The following IFT140 variants were observed in gnomAD, a reference collection of about 807,000 sequenced individuals.
IFT140 encodes intraflagellar transport protein 140 homolog.
A neutral mutation model predicts 164.6 loss-of-function variants in IFT140; 133 were observed. The observed-to-expected ratio is 0.81, with a 90% CI of 0.70 to 0.93. IFT140 has a LOEUF of 0.93. IFT140 is among the 40% of genes least tolerant of loss of function. IFT140 has a pLI of 0.00. For missense variants in IFT140, 2,045 were observed against 1,972.3 expected, an observed-to-expected ratio of 1.04 and a Z score of -0.70; for synonymous variants, 860 against 817.3, an observed-to-expected ratio of 1.05 and a Z score of -0.89.
chr16:1,524,826 G>C lies in IFT140; in HGVS notation c.2955C>G (p.Phe985Leu), dbSNP rs768024276. 6.2e-7 allele frequency: 1 copy of C among 1,612,650 alleles called. No homozygotes were observed. The highest frequency in any genetic ancestry group is 2.2e-5 in the East Asian group (1 of 44,806). Residue 985 changes from phenylalanine (F) to leucine (L), a missense_variant, in exon 23 of 31, where the codon TTC becomes TTG. Transcript: ENST00000426508. ...LHYYELARDH[F>L]SLVRIHCFQG... is the part of the protein sequence containing the mutation. ...GGAAGCAGTGGATGCGGACCAGGGA[G>C]AAGTGGTCCCGGGCCAGCTCGTAGT...
At position 1,553,005 on chromosome 16, in the gene IFT140, G is replaced by A. The variant is rs1452585708; in HGVS notation, c.2399+4930C>T. ...GTATCCAGGAGCTACCCATGTATAA[G>A]AAGCTCCATGAAGTATTATAAAGAA... On this transcript the variant is annotated intron_variant, in intron 19 of 30. Coordinates refer to ENST00000426508, the MANE Select transcript of IFT140 (RefSeq NM_014714.4). This position sits in a 1 kb window ranked among gnomAD's most constrained non-coding sequence, Gnocchi z 4.4. 1.0e-6 allele frequency: 1 copy of A among 985,236 alleles called. No individual in the cohort carries two copies. 61.0% of individuals were successfully genotyped at this position (985,236 alleles called of 1,614,324 possible).
intron 17 of IFT140, among the ~76,000 whole-genome samples, chr16:1,562,667 T>C (rs1431891945): frequency 6.6e-6 from 1 of 151,892 alleles, no homozygotes; most frequent in African/African-American, 2.4e-5. Flanking sequence ...AGCTACTTGG[T>C]AGTCTGAGGC....
chr16:1,604,228 TGG>T lies in IFT140; in HGVS notation c.148-1639_148-1638del, dbSNP rs1187342653. Among the ~76,000 whole-genome samples, 4 of 148,754 alleles carry T rather than the reference TGG, an allele frequency of 2.7e-5. No individual in the cohort carries two copies. In the East Asian group the frequency reaches 7.9e-4, roughly 29 times the overall value. ...GCTGCCAGTATATGGAGGAGCCTGC[TGG>T]CAACAGGGGAGCCGCTGACCAGCGC... On this transcript the variant is annotated intron_variant, in intron 3 of 30. Coordinates refer to ENST00000426508, the MANE Select transcript of IFT140 (RefSeq NM_014714.4).
intron 13 of IFT140, among the ~76,000 whole-genome samples, chr16:1,572,025 G>C (rs1346380317): frequency 1.3e-5 from 2 of 152,180 alleles, no homozygotes; most frequent in African/African-American, 4.8e-5. Context: ...CCTGGGTGAG[G>C]CGGTGGGGGA....
At position 1,551,090 on chromosome 16, in the gene IFT140, G is replaced by A. The variant is rs1433102039; in HGVS notation, c.2399+6845C>T. On this transcript the variant is annotated intron_variant, in intron 19 of 30. Coordinates refer to ENST00000426508, the MANE Select transcript of IFT140 (RefSeq NM_014714.4). This position sits in a 1 kb window ranked among gnomAD's most constrained non-coding sequence, Gnocchi z 4.0. Reference sequence around the variant, plus strand: ...GCTGTTCCTCCTCGCCTTTCCCGCAGCTCCACACTGCATTCTGTTCTGTTT... The same window carrying A: ...GCTGTTCCTCCTCGCCTTTCCCGCAACTCCACACTGCATTCTGTTCTGTTT... Among the ~76,000 whole-genome samples, 1 of 152,234 alleles carries A rather than the reference G, an allele frequency of 6.6e-6. No individual in the cohort carries two copies. The highest frequency in any genetic ancestry group is 1.5e-5 in the Non-Finnish European group (1 of 68,044).
Position 1,526,124 on chromosome 16 carries a change from C to T in IFT140, c.2578-47G>A, listed in dbSNP as rs778936037. The stretch of plus-strand genomic sequence containing the variant: ...GTGTCGTGCAGCCTCCACACACCCA[C>T]GTCTCAAACACACTGTTCCACGCCA... On this transcript the variant is annotated intron_variant, in intron 20 of 30. Coordinates refer to ENST00000426508, the MANE Select transcript of IFT140 (RefSeq NM_014714.4). 9 of 1,509,822 alleles carry T rather than the reference C, an allele frequency of 6.0e-6. No individual in the cohort carries two copies. The South Asian group carries it at 7.4e-5, about 12-fold the overall frequency. 93.5% of individuals were successfully genotyped at this position (1,509,822 alleles called of 1,614,324 possible).
At position 1,568,337 on chromosome 16, in the gene IFT140, G is replaced by T; in HGVS notation, c.1653-3C>A. 1 of 1,612,012 alleles carries T rather than the reference G, an allele frequency of 6.2e-7. No homozygotes were observed. The highest frequency in any genetic ancestry group is 8.5e-7 in the Non-Finnish European group (1 of 1,178,698). ...AGCTACAGTGTGCTTTGGCCTCTCT[G>T]CAGGGAGGAAGAGGGACCTCAGTGC... On this transcript the variant is annotated splice_polypyrimidine_tract_variant and splice_region_variant and intron_variant, in intron 14 of 30. Transcript: ENST00000426508.
Position 1,512,590 on chromosome 16 carries a change from T to A in IFT140, c.4183-1440A>T, listed in dbSNP as rs1474337884. On this transcript the variant is annotated intron_variant, in intron 30 of 30. Transcript: ENST00000426508. ...CCTGTTAATTTTGAGGATATAGCAG[T>A]CTGGGCATCTCTCTACTCCAATTTT... Among the ~76,000 whole-genome samples, 3 of 152,192 alleles carry A rather than the reference T, an allele frequency of 2.0e-5. No homozygotes were observed. In the East Asian group the frequency reaches 5.8e-4, roughly 29 times the overall value.
chr16:1,595,016 T>C (rs1400363650), intron 4 of IFT140, among the ~76,000 whole-genome samples: 1 of 152,260 alleles, frequency 6.6e-6, no homozygotes, highest in Non-Finnish European at 1.5e-5. Flanking sequence ...CCGGGCACGG[T>C]GGCTCACGCC....
chr16:1,543,609 T>A (rs565991894), intron 19 of IFT140, among the ~76,000 whole-genome samples: 285 of 152,278 alleles, frequency 1.9e-3, no homozygotes, highest in Admixed American at 3.7e-3. Context: ...CATGCCCAAC[T>A]TCGAAAAGGG....
At chr16:1,550,059 T>A (rs1261094926) in intron 19 of IFT140, among the ~76,000 whole-genome samples, 2 of 152,090 alleles carry the variant, frequency 1.3e-5, no homozygotes, top group Non-Finnish European at 2.9e-5. Context: ...GGGCTCAGCC[T>A]CCTGAATAGC....
intron 19 of IFT140, among the ~76,000 whole-genome samples, chr16:1,544,174 C>T (rs1252959755): frequency 5.3e-5 from 8 of 150,322 alleles, no homozygotes; most frequent in African/African-American, 9.8e-5. Context: ...CCTGCCACCA[C>T]GCCCCACTAA....
chr16:1,540,084 C>T lies in IFT140; in HGVS notation c.2400-13288G>A, dbSNP rs553592088. On this transcript the variant is annotated intron_variant, in intron 19 of 30. Transcript: ENST00000426508. ...AGGACGGCGGGGGGACCCTCAGTGG[C>T]GAGGAGCAGTGTGCCTCCAGGGATG... is the stretch of plus-strand genomic sequence containing the variant. Among the ~76,000 whole-genome samples, 11 of 152,276 alleles carry T rather than the reference C, an allele frequency of 7.2e-5. No individual in the cohort carries two copies. The East Asian group carries it at 1.7e-3, about 24-fold the overall frequency.
At chr16:1,515,941 G>A (rs1035679788) in intron 30 of IFT140, among the ~76,000 whole-genome samples, 2 of 151,836 alleles carry the variant, frequency 1.3e-5, no homozygotes, top group African/African-American at 4.8e-5. Flanking sequence ...GGGAGTTTGA[G>A]ACCAGCCTGA....
chr16:1,574,748 C>A (rs1304463984), intron 13 of IFT140, among the ~76,000 whole-genome samples: 2 of 150,476 alleles, frequency 1.3e-5, no homozygotes, highest in Non-Finnish European at 2.9e-5. Flanking sequence ...CCTTCCATGG[C>A]ACTTGACCTT....
At chr16:1,601,219 G>A (rs1567426594) in intron 4 of IFT140, among the ~76,000 whole-genome samples, 2 of 150,534 alleles carry the variant, frequency 1.3e-5, no homozygotes, top group Non-Finnish European at 2.9e-5. Flanking sequence ...AGCTGAGAAC[G>A]TGCCACTGCA....
Position 1,553,421 on chromosome 16 carries a change from G to A in IFT140, c.2399+4514C>T. 1.0e-6 allele frequency: 1 copy of A among 985,290 alleles called. No homozygotes were observed. The highest frequency in any genetic ancestry group is 1.2e-6 in the Non-Finnish European group (1 of 829,932). The allele number at this position is 985,290 out of a possible 1,614,324, so 61.0% of individuals were successfully genotyped here. A position where few individuals can be genotyped will look rare whatever the true frequency, so the allele number is the denominator to read the frequency against. On this transcript the variant is annotated intron_variant, in intron 19 of 30. Transcript: ENST00000426508. The surrounding 1 kb of genome is among the most constrained non-coding windows in gnomAD (Gnocchi z 4.4). ...CTGGGGAATGCAGGGGAGGCGGTTG[G>A]GAGTGGAGAGACCGGCATGAACAGA... is the stretch of plus-strand genomic sequence containing the variant.
intron 13 of IFT140, chr16:1,580,190 C>T (rs943553750): frequency 6.6e-6 from 1 of 152,296 alleles, no homozygotes; most frequent in African/African-American, 2.4e-5. Context: ...TGCCTTGTCT[C>T]CCGATTTCTG....
chr16:1,598,547 T>C (rs2035581626), intron 4 of IFT140, among the ~76,000 whole-genome samples: 1 of 152,216 alleles, frequency 6.6e-6, no homozygotes, highest in African/African-American at 2.4e-5. Flanking sequence ...AAGAAACACT[T>C]AGACCCACCA....
Sources: gnomAD v4.1 joint callset for allele counts (sites outside exome capture counted in the v4.1 genomes callset) on GRCh38, gnomAD v4.1.1 for gene constraint, Gnocchi (gnomAD v3.1) non-coding constraint, MANE v1.5 for transcripts, NCBI Gene and HGNC (gene_info 2026-07-23, HGNC 2026-07-21) for gene names.